GRIP1: variants seen among roughly 807,000 people sequenced by gnomAD.
GRIP1 encodes the protein glutamate receptor-interacting protein 1.
GRIP1 carries 45 observed loss-of-function variants against 129.9 expected under a neutral mutation model. The ratio of observed to expected loss-of-function variants is 0.35; its 90% CI spans 0.27 to 0.44. GRIP1 has a LOEUF of 0.44. Among genes scored for constraint, GRIP1 ranks in the 20% least tolerant of loss-of-function variants. GRIP1 has a pLI of 1.00. For missense variants in GRIP1, 1,196 were observed against 1,396.8 expected (o/e 0.86, Z 2.29); for synonymous variants, 530 against 520.8 (o/e 1.02, Z -0.24).
chr12:67,068,932 C>G, intron 1 of GRIP1: 5 of 265,396 alleles, frequency 1.9e-5, no homozygotes, highest in Non-Finnish European at 2.8e-5. Flanking sequence ...CCTGAGGGCG[C>G]GGCGCCCCTC....
chr12:66,606,016 G>T (rs2064508506), intron 1 of GRIP1, among the ~76,000 whole-genome samples: 2 of 151,868 alleles, frequency 1.3e-5, no homozygotes, highest in Non-Finnish European at 2.9e-5. Context: ...AGGAACAAGG[G>T]CTATGTGTGA....
intron 1 of GRIP1, among the ~76,000 whole-genome samples, chr12:66,846,910 G>A (rs910967992): frequency 3.9e-5 from 6 of 152,116 alleles, no homozygotes; most frequent in African/African-American, 1.4e-4. Context: ...AAGAGGCTTA[G>A]GACTGGCTAG....
At chr12:67,011,559 A>C (rs1371148681) in intron 1 of GRIP1, among the ~76,000 whole-genome samples, 2 of 151,310 alleles carry the variant, frequency 1.3e-5, no homozygotes, top group Non-Finnish European at 2.9e-5. Context: ...CTTCTGCAGA[A>C]TTCCATGCAG....
At position 66,347,476 on chromosome 12, in the gene GRIP1, C is replaced by G. The variant is rs1342786567; in HGVS notation, c.*1543G>C. ...TGGCTTTTTAAAATCACTGTTTATT[C>G]CATTTGGTAGAGGGTTTTATTTTTT... On this transcript the variant is annotated 3_prime_UTR_variant, in exon 25 of 25. Transcript: ENST00000359742. The G allele has an allele frequency of 6.6e-6, 1 of 152,114 alleles. No individual in the cohort carries two copies. Among genetic ancestry groups the G allele is most frequent in the Non-Finnish European group, 1.5e-5 (1 of 68,008 alleles). The allele number at this position is 152,114 out of a possible 1,614,324, so 9.4% of individuals were successfully genotyped here.
intron 1 of GRIP1, among the ~76,000 whole-genome samples, chr12:67,032,717 G>A (rs929210169): frequency 6.6e-6 from 1 of 152,134 alleles, no homozygotes; most frequent in Non-Finnish European, 1.5e-5. Context: ...ATACCTTGGG[G>A]GTGCAAGATG....
intron 1 of GRIP1, among the ~76,000 whole-genome samples, chr12:66,965,866 A>G (rs949791523): frequency 6.6e-6 from 1 of 152,162 alleles, no homozygotes; most frequent in African/African-American, 2.4e-5. Context: ...AGTTTGGATG[A>G]CACTATTGCA....
rs373490003 is a variant in GRIP1, at chr12:66,891,269, A to G, written c.58+177781T>C. The stretch of plus-strand genomic sequence containing the variant: ...TTCATACAAGGCCTTGCATAGCCTT[A>G]CTATGAAATATTAAGTAGGTTGCAG... On this transcript the variant is annotated intron_variant, in intron 1 of 1. Coordinates refer to the GRIP1 transcript ENST00000643019. Among the ~76,000 whole-genome samples the G allele has an allele frequency of 9.2e-5, 14 of 152,340 alleles. 1 individual carries two copies. The highest frequency in any genetic ancestry group is 3.1e-4 in the African/African-American group (13 of 41,582).
At chr12:66,889,743 C>G (rs2040626066) in intron 1 of GRIP1, among the ~76,000 whole-genome samples, 1 of 152,150 alleles carries the variant, frequency 6.6e-6, no homozygotes, top group Non-Finnish European at 1.5e-5. Flanking sequence ...CAAATGTCAT[C>G]ATGTGTTAAC....
chr12:66,901,709 G>A (rs1356686546), intron 1 of GRIP1, among the ~76,000 whole-genome samples: 1 of 152,100 alleles, frequency 6.6e-6, no homozygotes, highest in Non-Finnish European at 1.5e-5. Flanking sequence ...TTCTGCAAAT[G>A]ACACCTAAAC....
In GRIP1 at chr12:66,917,976, G is replaced by GGA. The variant is rs374500998; in HGVS notation, c.58+151072_58+151073dup. 8.5e-4 allele frequency among the ~76,000 whole-genome samples: 118 copies of GGA among 138,192 alleles called. 1 individual carries two copies. Among genetic ancestry groups the GGA allele is most frequent in the African/African-American group, 2.0e-3 (74 of 37,876 alleles). 90.7% of individuals were successfully genotyped at this position (138,192 alleles called of 152,430 possible). On this transcript the variant is annotated intron_variant, in intron 1 of 1. Coordinates refer to the GRIP1 transcript ENST00000643019. ...CACACACACACACACACACACACAC[G>GGA]GAGAGAGAGAGAGAGAGAGACTTAT...
chr12:66,769,099 C>G (rs564760639), intron 1 of GRIP1, among the ~76,000 whole-genome samples: 5 of 152,138 alleles, frequency 3.3e-5, no homozygotes, highest in African/African-American at 1.2e-4. Context: ...GAGTTTCTGA[C>G]GCAGTAGGTT....
chr12:66,784,528 A>G (rs1003377878), intron 1 of GRIP1, among the ~76,000 whole-genome samples: 12 of 152,142 alleles, frequency 7.9e-5, no homozygotes, highest in African/African-American at 2.4e-4. Context: ...TTTTAATCCA[A>G]TGTCCATGCT....
At chr12:66,579,852 A>G (rs947713392) in intron 2 of GRIP1, among the ~76,000 whole-genome samples, 3 of 150,552 alleles carry the variant, frequency 2.0e-5, no homozygotes, top group African/African-American at 7.3e-5. Context: ...TATCCAGGAG[A>G]ACTTCCCCAA....
At chr12:66,704,243 A>G (rs1381566564) in intron 1 of GRIP1, among the ~76,000 whole-genome samples, 1 of 152,252 alleles carries the variant, frequency 6.6e-6, no homozygotes, top group East Asian at 1.9e-4. Flanking sequence ...TTAGGTGAAC[A>G]TATCATCTTT....
chr12:66,527,458 T>C (rs924514362), intron 5 of GRIP1, among the ~76,000 whole-genome samples: 5 of 151,356 alleles, frequency 3.3e-5, no homozygotes, highest in African/African-American at 1.2e-4. Flanking sequence ...TTCTCACTCA[T>C]AGGTGGGAAT....
intron 1 of GRIP1, among the ~76,000 whole-genome samples, chr12:66,712,112 T>C (rs1221780517): frequency 1.3e-5 from 2 of 151,966 alleles, no homozygotes; most frequent in African/African-American, 4.8e-5. Flanking sequence ...TCATATACGT[T>C]TCTTAACATT....
intron 7 of GRIP1, among the ~76,000 whole-genome samples, chr12:66,500,593 A>G (rs577413647): frequency 6.6e-6 from 1 of 152,318 alleles, no homozygotes; most frequent in East Asian, 1.9e-4. Context: ...GGTTCAGGGA[A>G]AAATTTCACA....
chr12:66,570,901 C>T (rs1386175268), intron 2 of GRIP1: 2 of 152,242 alleles, frequency 1.3e-5, no homozygotes, highest in African/African-American at 4.8e-5. Context: ...ATTTGATTCT[C>T]ACAGAAACCC....
chr12:66,921,208 C>G (rs781345204), intron 1 of GRIP1, among the ~76,000 whole-genome samples: 4 of 152,170 alleles, frequency 2.6e-5, no homozygotes, highest in Non-Finnish European at 4.4e-5. Flanking sequence ...ATGATAGCCT[C>G]CGACCTAATA....
Sources: gnomAD v4.1 joint callset for allele counts (sites outside exome capture counted in the v4.1 genomes callset) on GRCh38, gnomAD v4.1.1 for gene constraint, MANE v1.5 for transcripts, NCBI Gene and HGNC (gene_info 2026-07-23, HGNC 2026-07-21) for gene names.